The following SV2C variants were observed in gnomAD, a reference collection of about 807,000 sequenced individuals.
SV2C encodes solute carrier family 22 member B3.
A neutral mutation model predicts 79.7 loss-of-function variants in SV2C; 49 were observed. That is an observed-to-expected ratio of 0.61 (90% confidence interval 0.49 to 0.78). SV2C has a LOEUF of 0.78. SV2C is among the 30% of genes least tolerant of loss of function. The pLI is 0.00. For missense variants in SV2C, 833 were observed against 912.9 expected, an observed-to-expected ratio of 0.91 and a Z score of 1.13; for synonymous variants, 334 against 333.2, an observed-to-expected ratio of 1.00 and a Z score of -0.03.
chr5:75,941,354 T>C, the SV2C span, among the ~76,000 whole-genome samples: 1 of 152,328 alleles, frequency 6.6e-6, no homozygotes, highest in African/African-American at 2.4e-5. Flanking sequence ...AGATATTGGC[T>C]TTAAAATGTT....
the SV2C span, among the ~76,000 whole-genome samples, chr5:75,946,554 G>A: frequency 6.6e-6 from 1 of 151,850 alleles, no homozygotes; most frequent in Non-Finnish European, 1.5e-5. Flanking sequence ...AACTATTCCG[G>A]GTCCTTTGCA....
At chr5:76,264,018 G>A (rs2972823) in intron 4 of SV2C, among the ~76,000 whole-genome samples, 71,005 of 151,764 alleles carry the variant, frequency 0.47, 16,910 homozygotes, top group South Asian at 0.54. Context: ...ATAATATCCT[G>A]AAGTGTGTTT....
the SV2C span, among the ~76,000 whole-genome samples, chr5:76,037,233 C>T: frequency 4.7e-4 from 72 of 152,362 alleles, no homozygotes; most frequent in Non-Finnish European, 7.9e-4. Context: ...CTGAAGCCTT[C>T]TTCTCTCAGC....
intron 1 of SV2C, among the ~76,000 whole-genome samples, chr5:76,107,259 AT>A (rs1165351603): frequency 6.6e-6 from 1 of 152,176 alleles, no homozygotes; most frequent in Non-Finnish European, 1.5e-5. Context: ...AGGATTATAA[AT>A]TTTTTGTTTA....
intron 2 of SV2C, among the ~76,000 whole-genome samples, chr5:76,183,917 C>T (rs1287836820): frequency 6.6e-6 from 1 of 152,100 alleles, no homozygotes; most frequent in African/African-American, 2.4e-5. Flanking sequence ...GTAGTCTTTC[C>T]TTTTTTCCCC....
chr5:76,263,522 ATGT>A (rs1188513794), intron 4 of SV2C, among the ~76,000 whole-genome samples: 1 of 152,048 alleles, frequency 6.6e-6, no homozygotes, highest in Non-Finnish European at 1.5e-5. Context: ...CTAGCTTGTT[ATGT>A]TGCCCATTAG....
the SV2C span, among the ~76,000 whole-genome samples, chr5:76,044,499 A>G: frequency 6.6e-6 from 1 of 152,190 alleles, no homozygotes; most frequent in African/African-American, 2.4e-5. Context: ...GTCTTCCACA[A>G]TGGTTGAACT....
chr5:76,159,737 C>A (rs1018191071), intron 2 of SV2C, among the ~76,000 whole-genome samples: 4 of 152,008 alleles, frequency 2.6e-5, no homozygotes, highest in African/African-American at 9.7e-5. Flanking sequence ...GATTAAGGGC[C>A]TACCCTACTC....
At chr5:75,986,590 A>G in the SV2C span, among the ~76,000 whole-genome samples, 2 of 152,028 alleles carry the variant, frequency 1.3e-5, no homozygotes, top group Admixed American at 1.3e-4. Flanking sequence ...AATTTGTTAC[A>G]GCAGCAATAG....
the SV2C span, among the ~76,000 whole-genome samples, chr5:76,050,575 T>TCTCTCTCTCTCTCTTTCA: frequency 6.6e-6 from 1 of 151,992 alleles, no homozygotes; most frequent in African/African-American, 2.4e-5. Context: ...TCTTGATCTC[T>TCTCTCTCTCTCTCTTTCA]CTCTCTCTCT....
intron 4 of SV2C, among the ~76,000 whole-genome samples, chr5:76,263,410 CTT>C (rs1454661452): frequency 6.6e-6 from 1 of 152,044 alleles, no homozygotes; most frequent in Non-Finnish European, 1.5e-5. Flanking sequence ...GGTCTTGACT[CTT>C]TATCCAATTT....
chr5:75,902,327 G>A, the SV2C span, among the ~76,000 whole-genome samples: 1 of 152,148 alleles, frequency 6.6e-6, no homozygotes, highest in Non-Finnish European at 1.5e-5. Flanking sequence ...TAACACATAG[G>A]AAATCTTATG....
At chr5:75,997,224 C>A in the SV2C span, among the ~76,000 whole-genome samples, 70,024 of 151,928 alleles carry the variant, frequency 0.46, 16,961 homozygotes, top group Middle Eastern at 0.63. Context: ...AAGGCCTTTT[C>A]TGCATGTTTG....
At chr5:75,871,994 AATAT>A in the SV2C span, among the ~76,000 whole-genome samples, 11 of 147,356 alleles carry the variant, frequency 7.5e-5, no homozygotes, top group African/African-American at 1.7e-4. Flanking sequence ...TATATAACAA[AATAT>A]ATATTATTTA....
rs190063256 is a variant in SV2C at position 76,096,841 on chromosome 5, C to T, written c.-102+13329C>T. ...TTAAAAAAGAATTCTTTCTCTCTGCCTGACTGTCTTTGAGCTGGGACATTG... is the reference window on the plus strand; with the variant it reads ...TTAAAAAAGAATTCTTTCTCTCTGCTTGACTGTCTTTGAGCTGGGACATTG... On this transcript the variant is annotated intron_variant, in intron 1 of 12. Coordinates refer to ENST00000502798, the MANE Select transcript of SV2C (RefSeq NM_014979.4). Among the ~76,000 whole-genome samples the T allele has an allele frequency of 1.7e-3, 261 of 152,276 alleles. 1 individual carries two copies. Among genetic ancestry groups the T allele is most frequent in the African/African-American group, 6.0e-3 (249 of 41,570 alleles).
chr5:75,889,734 A>C, the SV2C span, among the ~76,000 whole-genome samples: 1 of 152,108 alleles, frequency 6.6e-6, no homozygotes, highest in African/African-American at 2.4e-5. Flanking sequence ...CCTGGCACAT[A>C]ATAGGCACTT....
chr5:76,153,023 G>A (rs988341082), intron 2 of SV2C, among the ~76,000 whole-genome samples: 2 of 152,152 alleles, frequency 1.3e-5, no homozygotes, highest in Non-Finnish European at 2.9e-5. Flanking sequence ...ACCCTGGATG[G>A]ATCACTCTGA....
At chr5:76,172,230 G>A (rs1743312298) in intron 2 of SV2C, among the ~76,000 whole-genome samples, 2 of 96,904 alleles carry the variant, frequency 2.1e-5, no homozygotes, top group Non-Finnish European at 4.6e-5. Context: ...GCCCCGTCCG[G>A]GAGGGAGGTG....
chr5:76,217,279 A>C (rs1034297426), intron 4 of SV2C, among the ~76,000 whole-genome samples: 3 of 152,160 alleles, frequency 2.0e-5, no homozygotes, highest in African/African-American at 4.8e-5. Context: ...AATTACCAAA[A>C]CATCCCTACT....
Sources: gnomAD v4.1 joint callset for allele counts (sites outside exome capture counted in the v4.1 genomes callset) on GRCh38, gnomAD v4.1.1 for gene constraint, MANE v1.5 for transcripts, NCBI Gene and HGNC (gene_info 2026-07-23, HGNC 2026-07-21) for gene names.